SNTG2: variants seen among roughly 807,000 people sequenced by gnomAD.
SNTG2 encodes syntrophin gamma 2, also known as gamma-2-syntrophin.
Under a neutral mutation model 70.9 loss-of-function variants are expected in SNTG2, and 74 were observed. That is an observed-to-expected ratio of 1.04 (90% CI 0.86 to 1.27). The LOEUF (loss-of-function observed/expected upper bound fraction) is 1.27. Among genes scored for constraint, SNTG2 ranks in the 50% most tolerant of loss-of-function variants. SNTG2 has a pLI of 0.00. For missense variants in SNTG2, 717 were observed against 690.7 expected (o/e 1.04, Z -0.43); for synonymous variants, 278 against 273.8 (o/e 1.02, Z -0.15).
chr2:1,181,631 C>A (rs1671905936), intron 8 of SNTG2, among the ~76,000 whole-genome samples: 2 of 152,204 alleles, frequency 1.3e-5, no homozygotes, highest in Admixed American at 1.3e-4. Flanking sequence ...TCTGTCCTGA[C>A]AGCTGGAGTA....
chr2:1,059,378 T>C (rs1036182254), intron 1 of SNTG2: 4 of 151,378 alleles, frequency 2.6e-5, no homozygotes, highest in Non-Finnish European at 5.9e-5. Flanking sequence ...AAAAAAATAA[T>C]AATAATCAGT....
chr2:1,157,065 A>G (rs1283422236), intron 6 of SNTG2, among the ~76,000 whole-genome samples: 1 of 152,186 alleles, frequency 6.6e-6, no homozygotes, highest in Non-Finnish European at 1.5e-5. Flanking sequence ...TTCACTCAGC[A>G]TACCCCATGT....
chr2:1,121,691 G>C (rs6733723), intron 4 of SNTG2, among the ~76,000 whole-genome samples: 71,975 of 151,962 alleles, frequency 0.47, 17,861 homozygotes, highest in African/African-American at 0.62. Flanking sequence ...GGAGGAACTA[G>C]CTACCACTTG....
At chr2:1,121,636 G>A (rs1230860519) in intron 4 of SNTG2, among the ~76,000 whole-genome samples, 2 of 152,138 alleles carry the variant, frequency 1.3e-5, no homozygotes, top group Non-Finnish European at 2.9e-5. Flanking sequence ...TAAAGGGGAA[G>A]CAAGGCACCT....
chr2:1,067,473 T>C (rs1018112397), intron 1 of SNTG2, among the ~76,000 whole-genome samples: 3 of 152,234 alleles, frequency 2.0e-5, no homozygotes, highest in African/African-American at 7.2e-5. Context: ...ATAAAATACA[T>C]ATTTTTTTGT....
chr2:986,085 G>GAGAC (rs1301350146), intron 1 of SNTG2, among the ~76,000 whole-genome samples: 1 of 151,508 alleles, frequency 6.6e-6, no homozygotes, highest in Non-Finnish European at 1.5e-5. Flanking sequence ...GAGAGAGAGA[G>GAGAC]AGAGAGAGAG....
intron 6 of SNTG2, among the ~76,000 whole-genome samples, chr2:1,138,671 G>A (rs1343026984): frequency 6.6e-6 from 1 of 152,164 alleles, no homozygotes; most frequent in African/African-American, 2.4e-5. Flanking sequence ...ACACGCCTGG[G>A]GCCCAAGGTA....
At chr2:1,009,039 C>T (rs1216142706) in intron 1 of SNTG2, among the ~76,000 whole-genome samples, 3 of 129,950 alleles carry the variant, frequency 2.3e-5, no homozygotes, top group Admixed American at 8.5e-5. Context: ...TTTAGAGCAC[C>T]TAGGAAAATA....
At chr2:1,142,956 T>A (rs1383851042) in intron 6 of SNTG2, among the ~76,000 whole-genome samples, 2 of 152,234 alleles carry the variant, frequency 1.3e-5, no homozygotes, top group East Asian at 3.9e-4. Flanking sequence ...GATTTGGGGC[T>A]AGTTATGAGA....
intron 4 of SNTG2, among the ~76,000 whole-genome samples, chr2:1,121,771 A>T (rs1373215728): frequency 6.6e-6 from 1 of 152,138 alleles, no homozygotes; most frequent in Non-Finnish European, 1.5e-5. Flanking sequence ...TGCCCCCATG[A>T]TCCAATCACC....
chr2:1,307,183 T>G (rs949183863), intron 14 of SNTG2, among the ~76,000 whole-genome samples: 1 of 144,960 alleles, frequency 6.9e-6, no homozygotes, highest in Non-Finnish European at 1.5e-5. Context: ...GTGTGGTGTG[T>G]GAGCCATGCA....
At chr2:994,593 A>T (rs1345518341) in intron 1 of SNTG2, among the ~76,000 whole-genome samples, 1 of 152,076 alleles carries the variant, frequency 6.6e-6, no homozygotes, top group East Asian at 1.9e-4. Flanking sequence ...TTTGATAGAC[A>T]TTGTATTGAA....
In SNTG2 at chr2:1,018,023, C is replaced by T. The variant is rs549190915; in HGVS notation, c.73-65495C>T. The stretch of plus-strand genomic sequence containing the variant: ...TTTCCTCCAGGCCCTTTCAGAATTT[C>T]GTGCATGTATCTGGCATCCATGCAT... On this transcript the variant is annotated intron_variant, in intron 1 of 16. Transcript: ENST00000308624. Among the ~76,000 whole-genome samples the T allele has an allele frequency of 1.5e-4, 23 of 152,234 alleles. 1 individual carries two copies. The highest frequency in any genetic ancestry group is 5.1e-4 in the African/African-American group (21 of 41,536).
chr2:1,360,635 T>TA (rs1376869598), intron 16 of SNTG2, among the ~76,000 whole-genome samples: 4 of 118,448 alleles, frequency 3.4e-5, no homozygotes, highest in Admixed American at 9.8e-5. Flanking sequence ...TTCCTTTTCT[T>TA]AAAAACACAA....
chr2:1,007,277 A>G lies in SNTG2; in HGVS notation c.72+56209A>G, dbSNP rs568657467. On this transcript the variant is annotated intron_variant, in intron 1 of 16. Coordinates refer to ENST00000308624, the MANE Select transcript of SNTG2 (RefSeq NM_018968.4). ...CGACCTGAGTTCTATGTTTTGGCCA[A>G]TTCCTGACCCACACGATCCTAGGCC... Among the ~76,000 whole-genome samples the G allele has an allele frequency of 5.3e-5, 8 of 152,226 alleles. No homozygotes were observed. The South Asian group carries it at 1.7e-3, about 32-fold the overall frequency.
chr2:1,334,391 CT>C (rs1659691507), intron 16 of SNTG2, among the ~76,000 whole-genome samples: 1 of 152,088 alleles, frequency 6.6e-6, no homozygotes, highest in South Asian at 2.1e-4. Flanking sequence ...GTGGAGATTC[CT>C]TGAAGAACTA....
chr2:1,017,477 TGCATGCACAC>T (rs1290319086), intron 1 of SNTG2, among the ~76,000 whole-genome samples: 1 of 152,154 alleles, frequency 6.6e-6, no homozygotes, highest in Non-Finnish European at 1.5e-5. Context: ...CAAATGCACA[TGCATGCACAC>T]ATGTAGAGAC....
Position 998,330 on chromosome 2 carries a change from T to C in SNTG2, c.72+47262T>C, listed in dbSNP as rs80044881. 6.0e-3 allele frequency among the ~76,000 whole-genome samples: 908 copies of C among 151,916 alleles called. 5 individuals carry two copies. The highest frequency in any genetic ancestry group is 8.8e-3 in the Non-Finnish European group (600 of 67,940). On this transcript the variant is annotated intron_variant, in intron 1 of 16. Transcript: ENST00000308624. ...AAAACATGGAAATACAGATAGAGAA[T>C]ACAAACTATTGATTCTAGAGAAACT...
At chr2:1,360,876 C>A (rs1226643222) in intron 16 of SNTG2, among the ~76,000 whole-genome samples, 1 of 152,220 alleles carries the variant, frequency 6.6e-6, no homozygotes, top group Non-Finnish European at 1.5e-5. Context: ...CCTGATTCTG[C>A]ATAACGATTC....
Sources: allele counts gnomAD v4.1 joint callset (sites outside exome capture counted in the v4.1 genomes callset), GRCh38; gene constraint gnomAD v4.1.1; transcripts MANE v1.5; gene names NCBI Gene and HGNC (gene_info 2026-07-23, HGNC 2026-07-21).